The following RNF135 variants were observed in gnomAD, a reference collection of about 807,000 sequenced individuals.
The protein encoded by RNF135 is ring finger protein 135.
In RNF135, 46 loss-of-function variants were observed where a neutral mutation model predicts 41.9. The ratio of observed to expected loss-of-function variants is 1.10; its 90% CI spans 0.87 to 1.40. The LOEUF (loss-of-function observed/expected upper bound fraction) is 1.40, where lower values mean the gene tolerates loss of function less well. Ranked by LOEUF, RNF135 falls within the 40% of genes most tolerant of loss-of-function variation. The pLI is 0.00. For synonymous variants in RNF135, 238 were observed against 223.8 expected (o/e 1.06, Z -0.57); for missense variants, 539 against 549.8 (o/e 0.98, Z 0.20).
intron 2 of RNF135, among the ~76,000 whole-genome samples, chr17:30,986,039 T>C (rs534068338): frequency 3.0e-4 from 45 of 152,320 alleles, no homozygotes; most frequent in African/African-American, 1.1e-3. Context: ...AATGATTTCC[T>C]TGAACAAATC....
rs745687942 is a variant in RNF135, at chr17:30,998,632, G to A, written c.770-30G>A. On this transcript the variant is annotated intron_variant, in intron 4 of 4. Transcript: ENST00000328381. ...GGACCATCAAAAGATGACCGGCCAT[G>A]TTCTTATTGTTCTTTTTTTTTTTCC... 3.7e-6 allele frequency: 6 copies of A among 1,608,816 alleles called. No homozygotes were observed. In the South Asian group the frequency reaches 4.4e-5, roughly 12 times the overall value.
At chr17:30,969,747 T>G (rs1224713277), upstream of RNF135, among the ~76,000 whole-genome samples, 1 of 148,204 alleles carries the variant, frequency 6.7e-6, no homozygotes, top group East Asian at 2.0e-4. Flanking sequence ...CTTTCTTTTC[T>G]TTCTTTTTTT....
chr17:30,962,646 A>G, the RNF135 span, among the ~76,000 whole-genome samples: 1 of 151,448 alleles, frequency 6.6e-6, no homozygotes, highest in Non-Finnish European at 1.5e-5. Context: ...TTGTATTTTT[A>G]GTAGAGGTGG....
In RNF135 at chr17:30,971,224, GCCCGCGACGCC is replaced by G; in HGVS notation, c.153_163del (p.Arg52ProfsTer148). 1 of 1,511,590 alleles carries G rather than the reference GCCCGCGACGCC, an allele frequency of 6.6e-7. No homozygotes were observed. The highest frequency in any genetic ancestry group is 1.2e-5 in the South Asian group (1 of 81,392). The allele number at this position is 1,511,590 out of a possible 1,614,324, so 93.6% of individuals were successfully genotyped here. On this transcript the variant is annotated frameshift_variant, in exon 1 of 5. Coordinates refer to ENST00000328381, the MANE Select transcript of RNF135 (RefSeq NM_032322.4). LOFTEE classifies it high-confidence loss of function. The stretch of plus-strand genomic sequence containing the variant: ...CCACTGCCTGGAGGCCCTGTGGGGC[GCCCGCGACGCC>G]CGCCGCTGGGCCTGCCCCACTTGCC...
intron 1 of RNF135, among the ~76,000 whole-genome samples, chr17:30,974,667 T>TTTATTA (rs202241847): frequency 6.6e-6 from 1 of 150,612 alleles, no homozygotes; most frequent in Non-Finnish European, 1.5e-5. Flanking sequence ...GTTATTCCTT[T>TTTATTA]TTATTATTAT....
rs1450147717 is a variant in RNF135 at position 30,980,781 on chromosome 17, C to T, written c.373-3836C>T. On this transcript the variant is annotated intron_variant, in intron 1 of 4. Coordinates refer to ENST00000328381, the MANE Select transcript of RNF135 (RefSeq NM_032322.4). ...CAGACGATGGGCGGCCGGGCAGAGA[C>T]GCTCCTCACTTCCTAGATGGGATGG... is the stretch of plus-strand genomic sequence containing the variant. Among the ~76,000 whole-genome samples, 743 of 148,750 alleles carry T rather than the reference C, an allele frequency of 5.0e-3. 7 individuals are homozygous for T. The highest frequency in any genetic ancestry group is 0.017 in the African/African-American group (706 of 40,352).
chr17:30,983,357 T>A (rs868248922), intron 1 of RNF135, among the ~76,000 whole-genome samples: 851 of 41,082 alleles, frequency 0.021, 4 homozygotes, highest in Non-Finnish European at 0.044. Flanking sequence ...ATATATATTT[T>A]TTTTTTTTTT....
intron 3 of RNF135, 147 bp downstream of exon 3, chr17:30,988,253 T>A: frequency 1.3e-6 from 1 of 789,554 alleles, no homozygotes; most frequent in Non-Finnish European, 2.1e-6. Context: ...AGGGGTGGGC[T>A]GAAGTGATTT....
rs571766729 is a variant in RNF135, at chr17:30,999,193, G to A, written c.*2G>A. ...ATAATAAAGCAAGTAAAGGTGTAAG[G>A]TTTCCTAAGGGATTACAACACAGTG... On this transcript the variant is annotated 3_prime_UTR_variant, in exon 5 of 5. Coordinates refer to ENST00000328381, the MANE Select transcript of RNF135 (RefSeq NM_032322.4). 3.1e-6 allele frequency: 5 copies of A among 1,612,214 alleles called. No individual in the cohort carries two copies. The South Asian group carries it at 4.4e-5, about 14-fold the overall frequency.
chr17:30,965,984 A>T (rs1598067681), upstream of RNF135, among the ~76,000 whole-genome samples: 1 of 152,196 alleles, frequency 6.6e-6, no homozygotes, highest in Admixed American at 6.5e-5. Context: ...AGAAGCCACA[A>T]ATCTTGTGAC....
chr17:30,998,720 G>A lies in RNF135; in HGVS notation c.828G>A (p.Lys276=). Residue 276 remains lysine, a synonymous_variant, in exon 5 of 5, where the codon AAG becomes AAA. Coordinates refer to ENST00000328381, the MANE Select transcript of RNF135 (RefSeq NM_032322.4). ...TTTCCTGCAGCCTGGAGGTGTCCAA[G>A]GATTCCCGTACAGTGACTGTGTCTC... ...KSLSCSLEVS[K]DSRTVTVSHR... The A allele has an allele frequency of 6.2e-7, 1 of 1,613,758 alleles. No individual in the cohort carries two copies. The highest frequency in any genetic ancestry group is 1.1e-5 in the South Asian group (1 of 91,014).
upstream of RNF135, among the ~76,000 whole-genome samples, chr17:30,967,060 A>G (rs1905580670): frequency 6.6e-6 from 1 of 151,840 alleles, no homozygotes; most frequent in Admixed American, 6.6e-5. Flanking sequence ...TTTTTGACAG[A>G]GTCTTGCTCT....
upstream of RNF135, chr17:30,970,376 A>C (rs1905788165): frequency 6.6e-6 from 1 of 152,224 alleles, no homozygotes; most frequent in African/African-American, 2.4e-5. Context: ...TACATCCCGC[A>C]GAAGGCGGTA....
intron 1 of RNF135, 125 bp downstream of exon 1, chr17:30,971,570 A>C: frequency 7.3e-7 from 1 of 1,363,844 alleles, no homozygotes; most frequent in South Asian, 1.7e-5. Flanking sequence ...TCAGTCTAAA[A>C]GTCGAGTTCC....
upstream of RNF135, among the ~76,000 whole-genome samples, chr17:30,967,000 A>G (rs7213719): frequency 0.2 from 30,566 of 152,098 alleles, 9,715 homozygotes; most frequent in African/African-American, 0.68. Context: ...AATTTATTGC[A>G]AAAGTTTGTC....
At chr17:30,969,953 T>C (rs2142644419), upstream of RNF135, among the ~76,000 whole-genome samples, 1 of 152,030 alleles carries the variant, frequency 6.6e-6, no homozygotes, top group Admixed American at 6.6e-5. Context: ...CTTTTTGTAT[T>C]TTCAGTAGAG....
intron 3 of RNF135, among the ~76,000 whole-genome samples, chr17:30,990,255 G>A (rs1021852822): frequency 1.3e-5 from 2 of 152,060 alleles, no homozygotes; most frequent in African/African-American, 2.4e-5. Context: ...GGGCGCGGTG[G>A]CTCATGCCTG....
intron 1 of RNF135, among the ~76,000 whole-genome samples, chr17:30,979,924 T>G (rs1906913465): frequency 1.1e-5 from 1 of 88,798 alleles, no homozygotes; most frequent in Non-Finnish European, 2.2e-5. Flanking sequence ...CACTTCCCAG[T>G]AGGGGCGGCC....
At chr17:30,995,399 A>C (rs1292096268) in intron 3 of RNF135, among the ~76,000 whole-genome samples, 3 of 151,828 alleles carry the variant, frequency 2.0e-5, no homozygotes, top group Non-Finnish European at 4.4e-5. Context: ...AAAAAAAAAA[A>C]AGAATTGTTT....
Sources: gnomAD v4.1 joint callset for allele counts (sites outside exome capture counted in the v4.1 genomes callset) on GRCh38, gnomAD v4.1.1 for gene constraint, MANE v1.5 for transcripts, NCBI Gene and HGNC (gene_info 2026-07-23, HGNC 2026-07-21) for gene names.